PRG4: variants seen among roughly 807,000 people sequenced by gnomAD.
PRG4 encodes the protein proteoglycan 4.
PRG4 carries 61 observed loss-of-function variants against 91.2 expected under a neutral mutation model. The ratio of observed to expected loss-of-function variants is 0.67; its 90% CI spans 0.54 to 0.83. The LOEUF is 0.83. PRG4 is among the 40% of genes least tolerant of loss of function. PRG4 has a pLI of 0.00. For synonymous variants in PRG4, 576 were observed against 614.2 expected (o/e 0.94, Z 0.92); for missense variants, 1,564 against 1,714.2 (o/e 0.91, Z 1.55).
At chr1:186,310,157 T>G (rs1657086801) in intron 8 of PRG4, among the ~76,000 whole-genome samples, 1 of 144,696 alleles carries the variant, frequency 6.9e-6, no homozygotes, top group African/African-American at 2.5e-5. Flanking sequence ...GTAGTTAAAA[T>G]TTAAAAAATA....
rs773776063 is a variant in PRG4, at chr1:186,307,265, C to A, written c.1546C>A (p.Pro516Thr). ...PAPTTTKEPS[P>T]TTPKEPAPTT... is the part of the protein sequence containing the mutation. ...ACCCACCACCACCAAGGAGCCTTCA[C>A]CCACCACTCCCAAGGAGCCTGCACC... Residue 516 changes from proline (P) to threonine (T), a missense_variant, in exon 7 of 13, where the codon CCC becomes ACC. Pro to Thr is a conservative substitution (Grantham distance 38). Coordinates refer to ENST00000445192, the MANE Select transcript of PRG4 (RefSeq NM_005807.6). 9 of 1,595,240 alleles carry A rather than the reference C, an allele frequency of 5.6e-6. No homozygotes were observed. Among genetic ancestry groups the A allele is most frequent in the Non-Finnish European group, 7.7e-6 (9 of 1,174,032 alleles).
Position 186,312,864 on chromosome 1 carries a change from G to A in PRG4, c.4087G>A (p.Asp1363Asn). 6.2e-7 allele frequency: 1 copy of A among 1,612,720 alleles called. No homozygotes were observed. The highest frequency in any genetic ancestry group is 8.5e-7 in the Non-Finnish European group (1 of 1,178,770). Residue 1363 changes from aspartate to asparagine, a missense_variant, in exon 12 of 13, where the codon GAC becomes AAC. Coordinates refer to ENST00000445192, the MANE Select transcript of PRG4 (RefSeq NM_005807.6). Reference sequence around the variant, plus strand: ...ATCACTGCCCAACATCAGAAAACCTGACGGCTATGATTACTATGCCTTTTC... The same window carrying A: ...ATCACTGCCCAACATCAGAAAACCTAACGGCTATGATTACTATGCCTTTTC... ...AISLPNIRKP[D>N]GYDYYAFSKD...
chr1:186,302,369 A>G (rs892758599), intron 4 of PRG4, among the ~76,000 whole-genome samples: 3 of 152,268 alleles, frequency 2.0e-5, no homozygotes, highest in Admixed American at 1.3e-4. Context: ...CCTCTAGAGT[A>G]TAACAAAAGG....
Position 186,312,194 on chromosome 1 carries a change from T to C in PRG4, c.3813T>C (p.Tyr1271=), listed in dbSNP as rs767032008. ...FFKRGGSIQQ[Y]IYKQEPVQKC... is the part of the protein sequence containing the mutation. ...TAACAGGTGGCAGCATTCAGCAGTATATTTATAAACAGGAACCTGTACAGA... is the reference window on the plus strand; with the variant it reads ...TAACAGGTGGCAGCATTCAGCAGTACATTTATAAACAGGAACCTGTACAGA... The change falls in exon 11 of 13, where the codon TAT becomes TAC. Residue 1271 remains tyrosine, a synonymous_variant. Transcript: ENST00000445192. 13 of 1,613,842 alleles carry C rather than the reference T, an allele frequency of 8.1e-6. No individual in the cohort carries two copies. Among genetic ancestry groups the C allele is most frequent in the Middle Eastern group, 3.3e-4 (2 of 6,082 alleles).
chr1:186,308,395 T>A lies in PRG4; in HGVS notation c.2676T>A (p.Ser892Arg). 1 of 1,613,844 alleles carries A rather than the reference T, an allele frequency of 6.2e-7. No individual in the cohort carries two copies. Among genetic ancestry groups the A allele is most frequent in the Non-Finnish European group, 8.5e-7 (1 of 1,180,014 alleles). Residue 892 changes from serine to arginine, a missense_variant, in exon 7 of 13, where the codon AGT becomes AGA. Around this residue, in one of 3 missense-constraint regions of PRG4, gnomAD observed 1,079 missense variants for 1,162.2 expected, o/e 0.93. Transcript: ENST00000445192. ...AEPTPKALEN[S>R]PKEPGVPTTK... The stretch of plus-strand genomic sequence containing the variant: ...CCACACCAAAAGCTCTTGAAAACAG[T>A]CCCAAGGAACCTGGTGTACCTACAA...
rs1293991 is a variant in PRG4 at position 186,303,927 on chromosome 1, C to T, written c.320-181C>T. On this transcript the variant is annotated intron_variant, in intron 4 of 12. Coordinates refer to ENST00000445192, the MANE Select transcript of PRG4 (RefSeq NM_005807.6). ...TCATAACTTACAACAATTTGAGAAC[C>T]AGTATTTTATAGCAATGCATCCTTA... Among the ~76,000 whole-genome samples, 407 of 152,228 alleles carry T rather than the reference C, an allele frequency of 2.7e-3. 1 individual carries two copies. Among genetic ancestry groups the T allele is most frequent in the African/African-American group, 9.5e-3 (394 of 41,550 alleles).
chr1:186,300,086 T>A lies in PRG4; in HGVS notation c.77-5T>A. 1.9e-6 allele frequency: 3 copies of A among 1,614,022 alleles called. No individual in the cohort carries two copies. The highest frequency in any genetic ancestry group is 2.5e-6 in the Non-Finnish European group (3 of 1,179,864). ...CATATTTACGCCAGTATTGTATAAT[T>A]TTAGATTTATCAAGCTGTGCAGGGA... On this transcript the variant is annotated splice_polypyrimidine_tract_variant and splice_region_variant and intron_variant, in intron 2 of 12. Transcript: ENST00000445192.
rs776901504 is a variant in PRG4, at chr1:186,307,035, C to A, written c.1316C>A (p.Thr439Asn). Reference protein sequence around the residue: ...PTTPKEPAPTTPKKPAPTTPK... With the variant: ...PTTPKEPAPTNPKKPAPTTPK... ...ACTCCCAAGGAGCCTGCACCCACCA[C>A]CCCCAAGAAGCCTGCCCCAACTACC... Residue 439 changes from threonine to asparagine, a missense_variant, in exon 7 of 13, where the codon ACC becomes AAC. By Grantham distance (65) the Thr-to-Asn change is moderately conservative. Around this residue, in one of 3 missense-constraint regions of PRG4, gnomAD observed 48 missense variants for 93.0 expected, o/e 0.52. Coordinates refer to ENST00000445192, the MANE Select transcript of PRG4 (RefSeq NM_005807.6). The A allele has an allele frequency of 1.9e-6, 3 of 1,599,746 alleles. No homozygotes were observed. The highest frequency in any genetic ancestry group is 1.7e-4 in the Middle Eastern group (1 of 5,842).
At position 186,308,478 on chromosome 1, in the gene PRG4, C is replaced by G; in HGVS notation, c.2759C>G (p.Thr920Arg). Residue 920 changes from threonine (T) to arginine (R), a missense_variant, in exon 7 of 13, where the codon ACA becomes AGA. This residue lies in a region of PRG4 where 1,079 missense variants were observed against 1,162.2 expected (regional missense o/e 0.93). Coordinates refer to ENST00000445192, the MANE Select transcript of PRG4 (RefSeq NM_005807.6). ...EMTTTAKDKT[T>R]ERDLRTTPET... Reference sequence around the variant, plus strand: ...ACTACAACAGCTAAAGACAAGACAACAGAAAGAGACTTACGTACTACACCT... The same window carrying G: ...ACTACAACAGCTAAAGACAAGACAAGAGAAAGAGACTTACGTACTACACCT... 1 of 1,613,860 alleles carries G rather than the reference C, an allele frequency of 6.2e-7. No homozygotes were observed. Among genetic ancestry groups the G allele is most frequent in the Non-Finnish European group, 8.5e-7 (1 of 1,180,026 alleles).
In PRG4 at chr1:186,308,206, T is replaced by C; in HGVS notation, c.2487T>C (p.Thr829=). The C allele has an allele frequency of 6.2e-7, 1 of 1,611,012 alleles. No homozygotes were observed. Among genetic ancestry groups the C allele is most frequent in the Non-Finnish European group, 8.5e-7 (1 of 1,178,962 alleles). Residue 829 remains threonine (T), a synonymous_variant, in exon 7 of 13, where the codon ACT becomes ACC. Transcript: ENST00000445192. ...APTTPKETAP[T]TPKEPAPTTP... is the part of the protein sequence containing the mutation. Reference sequence around the variant, plus strand: ...CTACACCTAAGGAGACTGCTCCAACTACCCCCAAGGAGCCTGCACCCACTA... The same window carrying C: ...CTACACCTAAGGAGACTGCTCCAACCACCCCCAAGGAGCCTGCACCCACTA...
Position 186,308,946 on chromosome 1 carries a change from C to T in PRG4, c.3227C>T (p.Thr1076Ile), listed in dbSNP as rs781493620. 7 of 1,609,828 alleles carry T rather than the reference C, an allele frequency of 4.3e-6. No homozygotes were observed. The highest frequency in any genetic ancestry group is 5.9e-6 in the Non-Finnish European group (7 of 1,178,312). ...SRIAEAMLQT[T>I]TRPNQTPNSK... ...ATAGCAGAAGCCATGCTCCAAACCA[C>T]CACCAGACCTAACCAAACTCCAAAC... The change falls in exon 7 of 13, where the codon ACC becomes ATC. Residue 1076 changes from threonine to isoleucine, a missense_variant. This residue lies in a region of PRG4 where 1,079 missense variants were observed against 1,162.2 expected (regional missense o/e 0.93). Coordinates refer to ENST00000445192, the MANE Select transcript of PRG4 (RefSeq NM_005807.6).
chr1:186,308,181 C>T lies in PRG4; in HGVS notation c.2462C>T (p.Thr821Ile), dbSNP rs74134824. Reference sequence around the variant, plus strand: ...ACCACCTCTGACAAGCCTGCTCCAACTACACCTAAGGAGACTGCTCCAACT... The same window carrying T: ...ACCACCTCTGACAAGCCTGCTCCAATTACACCTAAGGAGACTGCTCCAACT... ...TSTTSDKPAP[T>I]TPKETAPTTP... The change falls in exon 7 of 13, where the codon ACT becomes ATT. Residue 821 changes from threonine (T) to isoleucine (I), a missense_variant. Physicochemically the swap from Thr to Ile is moderately conservative, Grantham distance 89. Transcript: ENST00000445192. 698 of 1,610,362 alleles carry T rather than the reference C, an allele frequency of 4.3e-4. 2 individuals carry two copies. The African/African-American group carries it at 8.7e-3, about 20-fold the overall frequency.
At chr1:186,312,477 A>G in intron 11 of PRG4, 105 bp downstream of exon 11, 1 of 1,150,746 alleles carries the variant, frequency 8.7e-7, no homozygotes. Context: ...AAACAGCCCT[A>G]ATAATTTAAG....
At chr1:186,303,242 G>C (rs1656331962) in intron 4 of PRG4, among the ~76,000 whole-genome samples, 1 of 152,118 alleles carries the variant, frequency 6.6e-6, no homozygotes. Context: ...ACATTAGCTA[G>C]TACATGGCAG....
chr1:186,311,137 G>GTGT lies in PRG4; in HGVS notation c.3605_3606insTTG (p.Cys1202dup). 1 of 1,613,256 alleles carries GTGT rather than the reference G, an allele frequency of 6.2e-7. No individual in the cohort carries two copies. Among genetic ancestry groups the GTGT allele is most frequent in the African/African-American group, 1.3e-5 (1 of 74,976 alleles). On this transcript the variant is annotated inframe_insertion, in exon 9 of 13. Transcript: ENST00000445192. ...CCCCCATTGATACTGTTTTTACTAG[G>GTGT]TGCAACTGTGAAGGAAAAACTTTCT...
Position 186,309,104 on chromosome 1 carries a change from C to T in PRG4, c.3385C>T (p.Pro1129Ser), listed in dbSNP as rs145791788. 67 of 1,613,774 alleles carry T rather than the reference C, an allele frequency of 4.2e-5. No individual in the cohort carries two copies. In the African/African-American group the frequency reaches 8.3e-4, roughly 20 times the overall value. ...TPDMDYLPRV[P>S]NQGIIINPML... The stretch of plus-strand genomic sequence containing the variant: ...CGACATGGATTACTTACCGAGAGTA[C>T]CCAATCAAGGCATTATCATCAATCC... Residue 1129 changes from proline to serine, a missense_variant, in exon 7 of 13, where the codon CCC becomes TCC. Around this residue, in one of 3 missense-constraint regions of PRG4, gnomAD observed 1,079 missense variants for 1,162.2 expected, o/e 0.93. Transcript: ENST00000445192.
At chr1:186,310,623 C>T (rs369775766) in intron 8 of PRG4, among the ~76,000 whole-genome samples, 3 of 151,436 alleles carry the variant, frequency 2.0e-5, no homozygotes, top group African/African-American at 7.3e-5. Flanking sequence ...GCTGGGACTA[C>T]AGGTGTGCAC....
At chr1:186,309,202 C>A in intron 7 of PRG4, 62 bp downstream of exon 7, 1 of 1,506,172 alleles carries the variant, frequency 6.6e-7, no homozygotes, top group Non-Finnish European at 9.1e-7. Context: ...TCTATCTGAA[C>A]CAGAATGCCT....
At position 186,307,556 on chromosome 1, in the gene PRG4, C is replaced by T; in HGVS notation, c.1837C>T (p.Pro613Ser). ...TCCCAAAGAGCCTGCCCCAACTACCCCCAAGGAGACTGCACCCACCACCCC... is the reference window on the plus strand; with the variant it reads ...TCCCAAAGAGCCTGCCCCAACTACCTCCAAGGAGACTGCACCCACCACCCC... ...TTPKEPAPTTPKETAPTTPKK... is the reference protein window; with the variant it reads ...TTPKEPAPTTSKETAPTTPKK... Residue 613 changes from proline (P) to serine (S), a missense_variant, in exon 7 of 13, where the codon CCC (proline) becomes TCC (serine). Physicochemically the swap from Pro to Ser is moderately conservative, Grantham distance 74 (BLOSUM62 -1). Transcript: ENST00000445192. 1.3e-6 allele frequency: 2 copies of T among 1,584,096 alleles called. No homozygotes were observed. Among genetic ancestry groups the T allele is most frequent in the South Asian group, 2.2e-5 (2 of 89,684 alleles).
Sources: gnomAD v4.1 joint callset for allele counts (sites outside exome capture counted in the v4.1 genomes callset) on GRCh38, gnomAD v4.1.1 for gene constraint, gnomAD v4.1.1 regional missense constraint, MANE v1.5 for transcripts, NCBI Gene and HGNC (gene_info 2026-07-23, HGNC 2026-07-21) for gene names.